Variants in HLF observed in about 807,000 individuals in gnomAD.
The protein encoded by HLF is HLF transcription factor, PAR bZIP family member, also known as hepatic leukemia factor.
Under a neutral mutation model 22.6 loss-of-function variants are expected in HLF, and 3 were observed. The observed-to-expected ratio is 0.13, with a 90% confidence interval of 0.06 to 0.34. The LOEUF is 0.34. HLF is among the 10% of genes least tolerant of loss of function. The probability of loss-of-function intolerance (pLI) is 1.00; values close to 1 mark genes in which losing one functional copy is unlikely to be tolerated. For missense variants in HLF, 299 were observed against 389.2 expected (o/e 0.77, Z 1.95); for synonymous variants, 151 against 151.8 (o/e 0.99, Z 0.04).
intron 2 of HLF, chr17:55,283,360 G>T (rs1331773703): frequency 6.6e-6 from 1 of 152,244 alleles, no homozygotes; most frequent in Non-Finnish European, 1.5e-5. Flanking sequence ...GCTCGGTCTG[G>T]GCTCAGTGAA....
At position 55,320,168 on chromosome 17, in the gene HLF, G is replaced by T. The variant is rs1218509285; in HGVS notation, c.673-496G>T. Among the ~76,000 whole-genome samples, 1 of 152,188 alleles carries T rather than the reference G, an allele frequency of 6.6e-6. No individual in the cohort carries two copies. The highest frequency in any genetic ancestry group is 6.5e-5 in the Admixed American group (1 of 15,282). On this transcript the variant is annotated intron_variant, in intron 3 of 3. Transcript: ENST00000226067. The surrounding 1 kb of genome is among the most constrained non-coding windows in gnomAD (Gnocchi z 4.2). Reference sequence around the variant, plus strand: ...GTGTACATGCACATGTATGGAGATTGCTACAGGACAAAATCCTGGAAGTGG... The same window carrying T: ...GTGTACATGCACATGTATGGAGATTTCTACAGGACAAAATCCTGGAAGTGG...
intron 2 of HLF, among the ~76,000 whole-genome samples, chr17:55,313,329 C>A (rs1395400588): frequency 6.6e-6 from 1 of 150,496 alleles, no homozygotes; most frequent in Non-Finnish European, 1.5e-5. Context: ...CATAAAAGAC[C>A]ATGTGGTATG....
intron 2 of HLF, among the ~76,000 whole-genome samples, chr17:55,271,145 G>A (rs1292786368): frequency 6.6e-6 from 1 of 152,102 alleles, no homozygotes; most frequent in South Asian, 2.1e-4. Context: ...AGCAAAATCT[G>A]GACTTACTTT....
chr17:55,315,742 G>A (rs1905040928), intron 3 of HLF, among the ~76,000 whole-genome samples: 1 of 152,164 alleles, frequency 6.6e-6, no homozygotes, highest in Non-Finnish European at 1.5e-5. Flanking sequence ...ACCCACAAAA[G>A]TCTAATAAAA....
At chr17:55,314,966 G>A (rs184361872) in intron 2 of HLF, among the ~76,000 whole-genome samples, 3 of 152,334 alleles carry the variant, frequency 2.0e-5, no homozygotes, top group Admixed American at 6.5e-5. Context: ...GAATGAATGT[G>A]TATTTTTAAA....
chr17:55,282,426 C>T (rs552534359), intron 2 of HLF, among the ~76,000 whole-genome samples: 5 of 152,328 alleles, frequency 3.3e-5, no homozygotes, highest in Admixed American at 1.3e-4. Context: ...GAATAATCTA[C>T]GTCCTTCTAA....
At chr17:55,270,691 C>G (rs371512507) in intron 2 of HLF, among the ~76,000 whole-genome samples, 5 of 137,108 alleles carry the variant, frequency 3.6e-5, no homozygotes, top group African/African-American at 1.4e-4. Flanking sequence ...GACGGAGTCT[C>G]GCTCTGTCGC....
intron 2 of HLF, among the ~76,000 whole-genome samples, chr17:55,292,283 C>A (rs759851654): frequency 6.6e-6 from 1 of 152,172 alleles, no homozygotes. Context: ...TCAATTGATG[C>A]AGCAAACTTC....
intron 2 of HLF, among the ~76,000 whole-genome samples, chr17:55,294,858 G>A (rs534573409): frequency 2.0e-5 from 3 of 152,278 alleles, no homozygotes; most frequent in Admixed American, 1.3e-4. Context: ...TTGTATGTAG[G>A]TTTTTTAGGT....
chr17:55,293,686 G>A (rs11656277), intron 2 of HLF, among the ~76,000 whole-genome samples: 35,854 of 152,024 alleles, frequency 0.24, 4,495 homozygotes, highest in East Asian at 0.35. Flanking sequence ...GGTGCTGGGG[G>A]CGATTAATAG....
chr17:55,312,566 T>G (rs1904880127), intron 2 of HLF, among the ~76,000 whole-genome samples: 1 of 152,212 alleles, frequency 6.6e-6, no homozygotes, highest in Non-Finnish European at 1.5e-5. Flanking sequence ...TATGGTATAT[T>G]GATAGATTAA....
rs879467524 is a variant in HLF, at chr17:55,324,927, C to T, written c.*4048C>T. 1 of 231,308 alleles carries T rather than the reference C, an allele frequency of 4.3e-6. No homozygotes were observed. Among genetic ancestry groups the T allele is most frequent in the Non-Finnish European group, 8.6e-6 (1 of 116,658 alleles). 14.3% of individuals were successfully genotyped at this position (231,308 alleles called of 1,614,324 possible). ...CCTTTTGGCAACACCACAAAGATCG[C>T]ATCTGTTAAACAGGTACAAGTTGAC... On this transcript the variant is annotated 3_prime_UTR_variant, in exon 4 of 4. Coordinates refer to ENST00000226067, the MANE Select transcript of HLF (RefSeq NM_002126.5).
chr17:55,271,582 T>G (rs28516001), intron 2 of HLF: 1 of 152,158 alleles, frequency 6.6e-6, no homozygotes, highest in Non-Finnish European at 1.5e-5. Flanking sequence ...CAGGCTGGAG[T>G]GCAGTGACAC....
At chr17:55,286,919 G>C (rs997373461) in intron 2 of HLF, among the ~76,000 whole-genome samples, 1 of 152,158 alleles carries the variant, frequency 6.6e-6, no homozygotes, top group Non-Finnish European at 1.5e-5. Flanking sequence ...CAGGGACTGG[G>C]ATACAGCCTC....
intron 2 of HLF, among the ~76,000 whole-genome samples, chr17:55,303,876 A>C (rs1904416275): frequency 6.6e-6 from 1 of 152,190 alleles, no homozygotes; most frequent in Non-Finnish European, 1.5e-5. Context: ...ATTGGTCCCA[A>C]ACAATTTTAG....
At chr17:55,319,203 T>A (rs1302497374) in intron 3 of HLF, 2 of 152,286 alleles carry the variant, frequency 1.3e-5, no homozygotes, top group Non-Finnish European at 2.9e-5. Context: ...CCACACTTTC[T>A]GTATTTGTGC....
intron 2 of HLF, among the ~76,000 whole-genome samples, chr17:55,294,741 G>C (rs1467826092): frequency 6.6e-6 from 1 of 152,192 alleles, no homozygotes; most frequent in East Asian, 1.9e-4. Flanking sequence ...TATGGAGAAG[G>C]CTCCCTTTCC....
chr17:55,288,193 G>A (rs891482996), intron 2 of HLF, among the ~76,000 whole-genome samples: 6 of 151,856 alleles, frequency 4.0e-5, no homozygotes, highest in Admixed American at 2.0e-4. Flanking sequence ...TTTCACCCAG[G>A]CTGGAGTGCA....
In HLF at chr17:55,271,370, A is replaced by G. The variant is rs113330765; in HGVS notation, c.451+3284A>G. ...GTTTTTGGCTATTCACTCAGCATGC[A>G]TCTTTTGAGCTATGCTCCGTTGTGG... On this transcript the variant is annotated intron_variant, in intron 2 of 3. Coordinates refer to ENST00000226067, the MANE Select transcript of HLF (RefSeq NM_002126.5). The G allele has an allele frequency of 7.2e-5, 11 of 152,316 alleles. No homozygotes were observed. The East Asian group carries it at 1.5e-3, about 21-fold the overall frequency. 9.4% of individuals were successfully genotyped at this position (152,316 alleles called of 1,614,324 possible).
Sources: gnomAD v4.1 joint callset for allele counts (sites outside exome capture counted in the v4.1 genomes callset) on GRCh38, gnomAD v4.1.1 for gene constraint, Gnocchi (gnomAD v3.1) non-coding constraint, MANE v1.5 for transcripts, NCBI Gene and HGNC (gene_info 2026-07-23, HGNC 2026-07-21) for gene names.